The following HS6ST3 variants were observed in gnomAD, a reference collection of about 807,000 sequenced individuals.
The protein encoded by HS6ST3 is heparan sulfate 6-O-sulfotransferase 3.
In HS6ST3, 12 loss-of-function variants were observed where a neutral mutation model predicts 36.7. The ratio of observed to expected loss-of-function variants is 0.33; its 90% CI spans 0.21 to 0.53. HS6ST3 has a LOEUF of 0.53. Among genes scored for constraint, HS6ST3 ranks in the 20% least tolerant of loss-of-function variants. The probability of loss-of-function intolerance (pLI) is 0.95; values close to 1 mark genes in which losing one functional copy is unlikely to be tolerated. For synonymous variants in HS6ST3, 240 were observed against 257.5 expected (o/e 0.93, Z 0.65); for missense variants, 584 against 640.9 (o/e 0.91, Z 0.96).
rs148823654 is a variant in HS6ST3, at chr13:96,363,546, G to A, written c.707+271977G>A. On this transcript the variant is annotated intron_variant, in intron 1 of 1. Coordinates refer to ENST00000376705, the MANE Select transcript of HS6ST3 (RefSeq NM_153456.4). Reference sequence around the variant, plus strand: ...TGAAACCCAATTGCTAAATCCAAAGGCCTTTATGCCAATCCATACTACATT... The same window carrying A: ...TGAAACCCAATTGCTAAATCCAAAGACCTTTATGCCAATCCATACTACATT... 1.5e-4 allele frequency among the ~76,000 whole-genome samples: 23 copies of A among 152,144 alleles called. No individual in the cohort carries two copies. In the East Asian group the frequency reaches 4.1e-3, roughly 27 times the overall value.
At chr13:96,372,298 G>A (rs1474880938) in intron 1 of HS6ST3, among the ~76,000 whole-genome samples, 2 of 152,084 alleles carry the variant, frequency 1.3e-5, no homozygotes, top group African/African-American at 4.8e-5. Context: ...TGTCTATTTA[G>A]TTCCTTTGCC....
chr13:96,792,966 C>T (rs771097979), intron 1 of HS6ST3, among the ~76,000 whole-genome samples: 1 of 152,020 alleles, frequency 6.6e-6, no homozygotes, highest in Non-Finnish European at 1.5e-5. Flanking sequence ...CTCTCGGCAC[C>T]ACGCCAATTT....
chr13:96,457,846 A>C (rs1039476954), intron 1 of HS6ST3, among the ~76,000 whole-genome samples: 13 of 152,120 alleles, frequency 8.5e-5, no homozygotes, highest in African/African-American at 3.1e-4. Flanking sequence ...TTTTTCCAAG[A>C]AAACTTGTTT....
At chr13:96,382,833 A>G (rs180982358) in intron 1 of HS6ST3, among the ~76,000 whole-genome samples, 47 of 152,332 alleles carry the variant, frequency 3.1e-4, no homozygotes, top group African/African-American at 1.1e-3. Flanking sequence ...CTCTCACCTT[A>G]TCTACTTTCC....
At chr13:96,468,940 G>C (rs1165255928) in intron 1 of HS6ST3, among the ~76,000 whole-genome samples, 1 of 151,944 alleles carries the variant, frequency 6.6e-6, no homozygotes, top group Non-Finnish European at 1.5e-5. Flanking sequence ...CAGCACCACT[G>C]TTTTCCTCTT....
At chr13:96,142,872 A>G (rs1270177377) in intron 1 of HS6ST3, among the ~76,000 whole-genome samples, 1 of 152,140 alleles carries the variant, frequency 6.6e-6, no homozygotes, top group East Asian at 1.9e-4. Flanking sequence ...AAAATAAAGA[A>G]ACAGTAATAA....
chr13:96,813,515 C>G (rs1303748660), intron 1 of HS6ST3, among the ~76,000 whole-genome samples: 1 of 152,166 alleles, frequency 6.6e-6, no homozygotes, highest in Non-Finnish European at 1.5e-5. Flanking sequence ...TGAATAAAAG[C>G]TTTATGTCTT....
At chr13:96,648,714 A>C (rs756873743) in intron 1 of HS6ST3, among the ~76,000 whole-genome samples, 1 of 151,740 alleles carries the variant, frequency 6.6e-6, no homozygotes, top group Non-Finnish European at 1.5e-5. Context: ...ATGTGTTCTC[A>C]TTGTTCAGCT....
At chr13:96,314,540 T>G (rs2054958597) in intron 1 of HS6ST3, among the ~76,000 whole-genome samples, 2 of 152,196 alleles carry the variant, frequency 1.3e-5, no homozygotes, top group African/African-American at 4.8e-5. Context: ...GCTTATTCTA[T>G]TCCCAATAGA....
At chr13:96,612,871 C>A (rs1419174069) in intron 1 of HS6ST3, among the ~76,000 whole-genome samples, 2 of 152,164 alleles carry the variant, frequency 1.3e-5, no homozygotes, top group Non-Finnish European at 2.9e-5. Flanking sequence ...TCCTTCCACC[C>A]CACTTCTCTC....
At chr13:96,313,914 C>G (rs2054954693) in intron 1 of HS6ST3, among the ~76,000 whole-genome samples, 1 of 152,130 alleles carries the variant, frequency 6.6e-6, no homozygotes. Flanking sequence ...TAAAATCCTC[C>G]CCAAGGCCGT....
At chr13:96,611,740 G>T (rs548470656) in intron 1 of HS6ST3, among the ~76,000 whole-genome samples, 1 of 152,150 alleles carries the variant, frequency 6.6e-6, no homozygotes, top group South Asian at 2.1e-4. Flanking sequence ...GTCATGAAAA[G>T]TCATCAAATT....
At chr13:96,238,024 T>A (rs1265863046) in intron 1 of HS6ST3, among the ~76,000 whole-genome samples, 2 of 152,156 alleles carry the variant, frequency 1.3e-5, no homozygotes, top group African/African-American at 4.8e-5. Flanking sequence ...ACATCTTCAG[T>A]TAATTATCTT....
intron 1 of HS6ST3, among the ~76,000 whole-genome samples, chr13:96,333,682 T>G (rs1360256781): frequency 6.6e-6 from 1 of 152,194 alleles, no homozygotes; most frequent in Admixed American, 6.5e-5. Flanking sequence ...AAACAAATTC[T>G]GTAAGATGTG....
intron 1 of HS6ST3, among the ~76,000 whole-genome samples, chr13:96,288,972 T>C (rs2054816788): frequency 6.6e-6 from 1 of 152,052 alleles, no homozygotes; most frequent in Non-Finnish European, 1.5e-5. Flanking sequence ...AGAGCCTGAT[T>C]ATAAGAGAAA....
chr13:96,513,888 G>T (rs532353540), intron 1 of HS6ST3, among the ~76,000 whole-genome samples: 1 of 152,006 alleles, frequency 6.6e-6, no homozygotes, highest in African/African-American at 2.4e-5. Context: ...ACTATTGAAG[G>T]AAAGTTTCCA....
intron 1 of HS6ST3, among the ~76,000 whole-genome samples, chr13:96,209,441 G>A (rs541040580): frequency 7.9e-5 from 12 of 152,198 alleles, no homozygotes; most frequent in South Asian, 4.2e-4. Flanking sequence ...AAAAATCTTC[G>A]TTATTGTTGG....
intron 1 of HS6ST3, among the ~76,000 whole-genome samples, chr13:96,439,967 A>C (rs2055662463): frequency 6.6e-6 from 1 of 152,362 alleles, no homozygotes; most frequent in African/African-American, 2.4e-5. Context: ...TCTTCTAAGT[A>C]TGGTGAATTG....
chr13:96,672,833 T>C lies in HS6ST3; in HGVS notation c.708-159657T>C, dbSNP rs139395367. ...AGAGGCACTCTTTTATCTTCTTCTATCTTTTAGTGTTTCTAATGAGACTCT... is the reference window on the plus strand; with the variant it reads ...AGAGGCACTCTTTTATCTTCTTCTACCTTTTAGTGTTTCTAATGAGACTCT... On this transcript the variant is annotated intron_variant, in intron 1 of 1. Coordinates refer to ENST00000376705, the MANE Select transcript of HS6ST3 (RefSeq NM_153456.4). Among the ~76,000 whole-genome samples, 11 of 152,320 alleles carry C rather than the reference T, an allele frequency of 7.2e-5. No individual in the cohort carries two copies. In the East Asian group the frequency reaches 2.1e-3, roughly 29 times the overall value.
Sources: gnomAD v4.1 joint callset for allele counts (sites outside exome capture counted in the v4.1 genomes callset) on GRCh38, gnomAD v4.1.1 for gene constraint, MANE v1.5 for transcripts, NCBI Gene and HGNC (gene_info 2026-07-23, HGNC 2026-07-21) for gene names.